The following VPS13C variants were observed in gnomAD, a reference collection of about 807,000 sequenced individuals.
VPS13C encodes vacuolar protein sorting 13 homolog C.
Under a neutral mutation model 456.8 loss-of-function variants are expected in VPS13C, and 358 were observed. That is an observed-to-expected ratio of 0.78 (90% CI 0.72 to 0.86). The LOEUF is 0.86. VPS13C is among the 40% of genes least tolerant of loss of function. The pLI is 0.00. For synonymous variants in VPS13C, 1,578 were observed against 1,486.7 expected (o/e 1.06, Z -1.41); for missense variants, 4,818 against 4,385.4 (o/e 1.10, Z -2.79).
intron 1 of VPS13C, among the ~76,000 whole-genome samples, chr15:62,052,407 G>A (rs1480715228): frequency 2.0e-5 from 3 of 152,012 alleles, no homozygotes; most frequent in Non-Finnish European, 4.4e-5. Context: ...CTGGTGCGGT[G>A]ACTCACGCCT....
chr15:61,894,227 G>C (rs1324649761), intron 66 of VPS13C, among the ~76,000 whole-genome samples: 2 of 151,912 alleles, frequency 1.3e-5, no homozygotes, highest in African/African-American at 4.8e-5. Flanking sequence ...GGAATTGCTT[G>C]AACCAAGGAG....
intron 40 of VPS13C, 122 bp from the exon 41 acceptor site, chr15:61,950,539 G>A: frequency 1.3e-6 from 1 of 761,140 alleles, no homozygotes; most frequent in South Asian, 2.0e-5. Flanking sequence ...ATTTCCTAAA[G>A]GCAAAGAAAG....
At position 61,917,648 on chromosome 15, in the gene VPS13C, G is replaced by T. The variant is rs373352581; in HGVS notation, c.7761-13C>A. 6.2e-7 allele frequency: 1 copy of T among 1,601,808 alleles called. No homozygotes were observed. Among genetic ancestry groups the T allele is most frequent in the Admixed American group, 1.7e-5 (1 of 59,152 alleles). On this transcript the variant is annotated splice_polypyrimidine_tract_variant and intron_variant, in intron 59 of 84. Coordinates refer to ENST00000644861, the MANE Select transcript of VPS13C (RefSeq NM_020821.3). Reference sequence around the variant, plus strand: ...AAACAATTGACATCTGCAGAAAGAGGAAACAGTGACAATAAAGTTTTGATC... The same window carrying T: ...AAACAATTGACATCTGCAGAAAGAGTAAACAGTGACAATAAAGTTTTGATC...
intron 48 of VPS13C, 66 bp downstream of exon 48, chr15:61,936,531 T>C (rs2044231214): frequency 1.5e-5 from 22 of 1,426,610 alleles, no homozygotes; most frequent in Non-Finnish European, 2.0e-5. Context: ...GCTAGAAAAA[T>C]ACTAAATATA....
In VPS13C at chr15:61,890,226, G is replaced by C. The variant is rs2042608054; in HGVS notation, c.9280C>G (p.Leu3094Val). ...TCATTGTTAACCAGTGAAAGCCCAA[G>C]ACTGTGGAGAGACAAGGTTATTTCA... ...DYEITLSLHS[L>V]GLSLVNNESK... Residue 3094 changes from leucine (L) to valine (V), a missense_variant, in exon 67 of 85, where the codon CTT (leucine) becomes GTT (valine). Transcript: ENST00000644861. The C allele has an allele frequency of 4.3e-6, 7 of 1,613,914 alleles. No homozygotes were observed. Among genetic ancestry groups the C allele is most frequent in the African/African-American group, 1.3e-5 (1 of 74,874 alleles).
In VPS13C at chr15:61,949,565, G is replaced by C; in HGVS notation, c.4637C>G (p.Ala1546Gly). Reference sequence around the variant, plus strand: ...TAAAAAATCCATGAAGGAAAGTAAAGCTTCCAAATGAAGTACTAAGTCTAA... The same window carrying C: ...TAAAAAATCCATGAAGGAAAGTAAACCTTCCAAATGAAGTACTAAGTCTAA... ...ASLDLVLHLE[A>G]LLSFMDFLSS... Residue 1546 changes from alanine (A) to glycine (G), a missense_variant, in exon 42 of 85, where the codon GCT (alanine) becomes GGT (glycine). By Grantham distance (60) the Ala-to-Gly change is moderately conservative. Transcript: ENST00000644861. 1 of 1,611,506 alleles carries C rather than the reference G, an allele frequency of 6.2e-7. No homozygotes were observed. Among genetic ancestry groups the C allele is most frequent in the Non-Finnish European group, 8.5e-7 (1 of 1,179,416 alleles).
At chr15:62,024,425 C>T (rs1361549426) in intron 6 of VPS13C, among the ~76,000 whole-genome samples, 1 of 152,040 alleles carries the variant, frequency 6.6e-6, no homozygotes, top group African/African-American at 2.4e-5. Context: ...AAACCTCATT[C>T]TCTTTCAACA....
chr15:61,950,554 T>C, intron 40 of VPS13C, 137 bp from the exon 41 acceptor site: 1 of 642,266 alleles, frequency 1.6e-6, no homozygotes. Flanking sequence ...AGAAAGCCAT[T>C]CAAAAAAAAA....
chr15:62,048,129 A>G (rs914167488), intron 1 of VPS13C, among the ~76,000 whole-genome samples: 1 of 148,672 alleles, frequency 6.7e-6, no homozygotes, highest in Non-Finnish European at 1.5e-5. Context: ...TTATACTTTA[A>G]GTTTTAGGGT....
chr15:62,019,355 G>T (rs866315683), intron 9 of VPS13C, among the ~76,000 whole-genome samples: 18 of 151,772 alleles, frequency 1.2e-4, no homozygotes, highest in African/African-American at 2.7e-4. Context: ...TGCTCTTGCT[G>T]CTCTAGTTCT....
intron 81 of VPS13C, chr15:61,865,175 T>C (rs1372981911): frequency 2.0e-6 from 2 of 984,820 alleles, no homozygotes; most frequent in Non-Finnish European, 2.4e-6. Flanking sequence ...TCGAGGAATT[T>C]AACAATACTT....
At chr15:61,882,882 G>C (rs1895974943) in intron 68 of VPS13C, 146 bp from the exon 69 acceptor site, 2 of 761,730 alleles carry the variant, frequency 2.6e-6, no homozygotes, top group Non-Finnish European at 3.6e-6. Context: ...CTACAGTTGA[G>C]ATCTCTGAAG....
chr15:61,909,525 C>T (rs551561981), intron 64 of VPS13C, among the ~76,000 whole-genome samples: 1 of 152,304 alleles, frequency 6.6e-6, no homozygotes, highest in South Asian at 2.1e-4. Context: ...TAAGTTCTTA[C>T]TAAAAAGCAA....
chr15:62,014,697 A>G lies in VPS13C; in HGVS notation c.685-705T>C, dbSNP rs1055793209. ...AGACAATGTGCCAAAAGCTTTACAT[A>G]AACTATCTCATTTAATCATCACAAA... On this transcript the variant is annotated intron_variant, in intron 9 of 84. Coordinates refer to ENST00000644861, the MANE Select transcript of VPS13C (RefSeq NM_020821.3). Among the ~76,000 whole-genome samples the G allele has an allele frequency of 2.0e-5, 3 of 152,178 alleles. No individual in the cohort carries two copies. The South Asian group carries it at 6.2e-4, about 31-fold the overall frequency.
intron 6 of VPS13C, among the ~76,000 whole-genome samples, chr15:62,025,642 A>C (rs1461626529): frequency 2.0e-5 from 3 of 152,110 alleles, no homozygotes; most frequent in African/African-American, 7.2e-5. Context: ...TGGCAGATAC[A>C]CCATGTTTAA....
chr15:61,900,638 T>C (rs1464722447), intron 66 of VPS13C, among the ~76,000 whole-genome samples: 1 of 151,364 alleles, frequency 6.6e-6, no homozygotes, highest in Middle Eastern at 3.2e-3. Context: ...GAACATTCCA[T>C]GCTCATGGGT....
intron 61 of VPS13C, 105 bp from the exon 62 acceptor site, chr15:61,913,520 G>A: frequency 3.3e-6 from 3 of 906,180 alleles, no homozygotes; most frequent in Non-Finnish European, 5.1e-6. Flanking sequence ...AGTACCGTGG[G>A]ACACAGAAAT....
At chr15:62,043,041 A>T (rs890682729) in intron 2 of VPS13C, among the ~76,000 whole-genome samples, 1 of 151,846 alleles carries the variant, frequency 6.6e-6, no homozygotes, top group African/African-American at 2.4e-5. Flanking sequence ...ATATCCTGTC[A>T]CTACAATTCT....
At chr15:61,892,550 C>A (rs930983082) in intron 66 of VPS13C, among the ~76,000 whole-genome samples, 1 of 152,160 alleles carries the variant, frequency 6.6e-6, no homozygotes, top group African/African-American at 2.4e-5. Flanking sequence ...AGAACAAACA[C>A]TGGAATAAAT....
Sources: allele counts gnomAD v4.1 joint callset (sites outside exome capture counted in the v4.1 genomes callset), GRCh38; gene constraint gnomAD v4.1.1; transcripts MANE v1.5; gene names NCBI Gene and HGNC (gene_info 2026-07-23, HGNC 2026-07-21).